PPIL2: variants seen among roughly 807,000 people sequenced by gnomAD.
PPIL2 encodes RING-type E3 ubiquitin-protein ligase PPIL2.
PPIL2 carries 50 observed loss-of-function variants against 75.2 expected under a neutral mutation model. The observed-to-expected ratio is 0.66, with a 90% CI of 0.53 to 0.84. PPIL2 has a LOEUF of 0.84. Among genes scored for constraint, PPIL2 ranks in the 40% least tolerant of loss-of-function variants. The probability of loss-of-function intolerance (pLI) is 0.00; values close to 1 mark genes in which losing one functional copy is unlikely to be tolerated. For missense variants in PPIL2, 590 were observed against 685.0 expected, an observed-to-expected ratio of 0.86 and a Z score of 1.55; for synonymous variants, 245 against 258.8, an observed-to-expected ratio of 0.95 and a Z score of 0.51.
chr22:21,677,332 A>G (rs2066915611), intron 6 of PPIL2, among the ~76,000 whole-genome samples: 1 of 152,186 alleles, frequency 6.6e-6, no homozygotes, highest in Non-Finnish European at 1.5e-5. Flanking sequence ...GCACTTTGGG[A>G]GGCCAAGGCA....
At position 21,695,456 on chromosome 22, in the gene PPIL2, C is replaced by T. The variant is rs763979358; in HGVS notation, c.1529C>T (p.Pro510Leu). Reference sequence around the variant, plus strand: ...ACTGTCCCCATGTCCAAGAAGAAGCCCAGTCGGGGTTTTGGGGACTTCAGC... The same window carrying T: ...ACTGTCCCCATGTCCAAGAAGAAGCTCAGTCGGGGTTTTGGGGACTTCAGC... ...SATVPMSKKK[P>L]SRGFGDFSSW Residue 510 changes from proline to leucine, a missense_variant, in exon 20 of 20, where the codon CCC (proline) becomes CTC (leucine). Transcript: ENST00000398831. The T allele has an allele frequency of 1.2e-6, 2 of 1,608,328 alleles. No individual in the cohort carries two copies.
At chr22:21,678,432 T>C (rs1388504990) in intron 6 of PPIL2, among the ~76,000 whole-genome samples, 2 of 152,200 alleles carry the variant, frequency 1.3e-5, no homozygotes, top group African/African-American at 4.8e-5. Flanking sequence ...GGTTTCACCA[T>C]GTTGGCCAGG....
At position 21,673,372 on chromosome 22, in the gene PPIL2, G is replaced by C. The variant is rs138401989; in HGVS notation, c.243+991G>C. On this transcript the variant is annotated intron_variant, in intron 5 of 19. Coordinates refer to ENST00000398831, the MANE Select transcript of PPIL2 (RefSeq NM_014337.4). ...CCTGTGTGGCTGGGTGTCGGCCTCA[G>C]GGAGCAGCCTGGTGGCAAGGTGGGG... is the stretch of plus-strand genomic sequence containing the variant. 1,034 of 153,020 alleles carry C rather than the reference G, an allele frequency of 6.8e-3. 3 individuals carry two copies. The highest frequency in any genetic ancestry group is 0.015 in the Admixed American group (231 of 15,302). 9.5% of individuals were successfully genotyped at this position (153,020 alleles called of 1,614,324 possible).
chr22:21,698,481 G>GGACTT (rs1314554185), downstream of PPIL2: 1 of 152,356 alleles, frequency 6.6e-6, no homozygotes, highest in African/African-American at 2.4e-5. Flanking sequence ...GAGTCACTCA[G>GGACTT]GACTTGGCTG....
chr22:21,677,933 G>C (rs1012850669), intron 6 of PPIL2, among the ~76,000 whole-genome samples: 1 of 152,206 alleles, frequency 6.6e-6, no homozygotes, highest in Middle Eastern at 3.2e-3. Context: ...GGGCATCGGG[G>C]GAGTGCAGGG....
chr22:21,682,634 A>G, intron 8 of PPIL2, 108 bp downstream of exon 8: 4 of 578,120 alleles, frequency 6.9e-6, no homozygotes, highest in South Asian at 2.5e-5. Flanking sequence ...CTGTCCTCAA[A>G]GCCACCTGAG....
chr22:21,678,523 G>A (rs990946465), intron 6 of PPIL2, among the ~76,000 whole-genome samples: 6 of 151,908 alleles, frequency 3.9e-5, no homozygotes, highest in Non-Finnish European at 5.9e-5. Context: ...GAGCCACTGC[G>A]CCCCACCTGT....
At chr22:21,681,129 G>C (rs912753380) in intron 6 of PPIL2, among the ~76,000 whole-genome samples, 170 bp from the exon 7 acceptor site, 1 of 152,188 alleles carries the variant, frequency 6.6e-6, no homozygotes, top group Non-Finnish European at 1.5e-5. Context: ...AGGGCTTGAG[G>C]GGGTGAGCAG....
At chr22:21,667,182 G>C (rs1209145310) in intron 1 of PPIL2, among the ~76,000 whole-genome samples, 4 of 125,186 alleles carry the variant, frequency 3.2e-5, no homozygotes, top group African/African-American at 1.2e-4. Flanking sequence ...TTGAGACGCA[G>C]TTTCGCTCTT....
Position 21,691,100 on chromosome 22 carries a change from C to T in PPIL2, c.1139+2251C>T, listed in dbSNP as rs10427723. On this transcript the variant is annotated intron_variant, in intron 15 of 19. Coordinates refer to ENST00000398831, the MANE Select transcript of PPIL2 (RefSeq NM_014337.4). ...CTGGGATTACAGACGCCCACCACCACACCAGGATAATTTTTTGTACTTTAG... is the reference window on the plus strand; with the variant it reads ...CTGGGATTACAGACGCCCACCACCATACCAGGATAATTTTTTGTACTTTAG... Among the ~76,000 whole-genome samples the T allele has an allele frequency of 9.5e-3, 1,202 of 126,384 alleles. 23 individuals are homozygous for T. Among genetic ancestry groups the T allele is most frequent in the African/African-American group, 0.037 (1,150 of 30,828 alleles). 82.9% of individuals were successfully genotyped at this position (126,384 alleles called of 152,430 possible).
At chr22:21,694,866 T>A (rs765452587) in intron 18 of PPIL2, 49 bp downstream of exon 18, 1 of 1,590,408 alleles carries the variant, frequency 6.3e-7, no homozygotes. Context: ...CTAGTGCACT[T>A]TTCCACCCCA....
intron 6 of PPIL2, among the ~76,000 whole-genome samples, chr22:21,677,193 ACTC>A (rs1298307459): frequency 6.9e-6 from 1 of 144,636 alleles, no homozygotes; most frequent in Non-Finnish European, 1.5e-5. Context: ...AGGCAGAGAC[ACTC>A]CTCACCTCCC....
intron 10 of PPIL2, 87 bp from the exon 11 acceptor site, chr22:21,686,396 G>T (rs2067362020): frequency 5.5e-6 from 7 of 1,283,246 alleles, no homozygotes; most frequent in Admixed American, 1.7e-5. Context: ...CAGGGGTGGC[G>T]TGTGGTTGGC....
At chr22:21,689,573 A>G (rs2067533637) in intron 15 of PPIL2, among the ~76,000 whole-genome samples, 1 of 151,916 alleles carries the variant, frequency 6.6e-6, no homozygotes. Context: ...AAATTATCTT[A>G]TAATTCAAAA....
At chr22:21,686,826 G>A (rs2067385808) in intron 11 of PPIL2, 66 bp from the exon 12 acceptor site, 18 of 1,480,256 alleles carry the variant, frequency 1.2e-5, no homozygotes, top group South Asian at 2.3e-5. Context: ...TGAGGTCGGT[G>A]CTGCCTGGCA....
chr22:21,688,062 TG>T lies in PPIL2; in HGVS notation c.988-10del. ...AGAGTGTGACTTGCTCACTGGCTTT[TG>T]TTTTCACAGATCCAAGGGGGCGACC... On this transcript the variant is annotated splice_polypyrimidine_tract_variant and intron_variant, in intron 13 of 19. Transcript: ENST00000398831. 2 of 1,614,188 alleles carry T rather than the reference TG, an allele frequency of 1.2e-6. No homozygotes were observed. The highest frequency in any genetic ancestry group is 1.7e-6 in the Non-Finnish European group (2 of 1,180,024).
intron 6 of PPIL2, among the ~76,000 whole-genome samples, chr22:21,678,795 GA>G (rs2066981220): frequency 6.6e-6 from 1 of 151,920 alleles, no homozygotes; most frequent in Non-Finnish European, 1.5e-5. Context: ...GGCATGATCA[GA>G]GCGCACTGTT....
At position 21,695,636 on chromosome 22, in the gene PPIL2, G is replaced by A. The variant is rs772706662; in HGVS notation, c.*146G>A. ...GCCTGCATCCCCTTTCCTGGCCCCT[G>A]GGAGCCCACAGCCTTCCCATCCCTT... On this transcript the variant is annotated 3_prime_UTR_variant, in exon 20 of 20. Transcript: ENST00000398831. 2.8e-5 allele frequency: 41 copies of A among 1,467,188 alleles called. No individual in the cohort carries two copies. The highest frequency in any genetic ancestry group is 3.5e-5 in the Non-Finnish European group (39 of 1,106,014). The allele number at this position is 1,467,188 out of a possible 1,614,324, so 90.9% of individuals were successfully genotyped here. A position where few individuals can be genotyped will look rare whatever the true frequency, so the allele number is the denominator to read the frequency against.
intron 14 of PPIL2, among the ~76,000 whole-genome samples, chr22:21,688,502 C>T (rs2067476875): frequency 6.6e-6 from 1 of 152,200 alleles, no homozygotes; most frequent in Admixed American, 6.5e-5. Flanking sequence ...TGTCCCGGGG[C>T]AGGCCCCAGG....
Sources: gnomAD v4.1 joint callset for allele counts (sites outside exome capture counted in the v4.1 genomes callset) on GRCh38, gnomAD v4.1.1 for gene constraint, MANE v1.5 for transcripts, NCBI Gene and HGNC (gene_info 2026-07-23, HGNC 2026-07-21) for gene names.